IRS1: variants seen among roughly 807,000 people sequenced by gnomAD.
The protein encoded by IRS1 is insulin receptor substrate 1.
In IRS1, 34 loss-of-function variants were observed where a neutral mutation model predicts 65.6. That is an observed-to-expected ratio of 0.52 (90% CI 0.39 to 0.69). The LOEUF (loss-of-function observed/expected upper bound fraction) is 0.69. Among genes scored for constraint, IRS1 ranks in the 30% least tolerant of loss-of-function variants. The pLI is 0.00. For missense variants in IRS1, 1,641 were observed against 1,720.2 expected, an observed-to-expected ratio of 0.95 and a Z score of 0.81; for synonymous variants, 699 against 683.5, an observed-to-expected ratio of 1.02 and a Z score of -0.35.
In IRS1 at chr2:226,798,993, T is replaced by G; in HGVS notation, c.-255A>C. The G allele has an allele frequency of 4.2e-6, 6 of 1,434,400 alleles. No individual in the cohort carries two copies. Among genetic ancestry groups the G allele is most frequent in the Non-Finnish European group, 5.5e-6 (6 of 1,091,470 alleles). The allele number at this position is 1,434,400 out of a possible 1,614,324, so 88.9% of individuals were successfully genotyped here. A position where few individuals can be genotyped will look rare whatever the true frequency, so the allele number is the denominator to read the frequency against. On this transcript the variant is annotated 5_prime_UTR_variant, in exon 1 of 2. Transcript: ENST00000305123. This position sits in a 1 kb window ranked among gnomAD's most constrained non-coding sequence, Gnocchi z 9.4. ...CGGCGGGGAGGCAGTGCGTCCGGGG[T>G]GAGGGCAGCCCCGATCCTCCGAGAG... is the stretch of plus-strand genomic sequence containing the variant.
intron 1 of IRS1, among the ~76,000 whole-genome samples, chr2:226,739,985 C>A (rs939875475): frequency 7.9e-5 from 12 of 152,236 alleles, no homozygotes; most frequent in African/African-American, 2.7e-4. Context: ...TACACCACTT[C>A]AATTGACTGA....
Position 226,798,010 on chromosome 2 carries a change from A to C in IRS1, c.729T>G (p.Ser243=), listed in dbSNP as rs1432352274. ...PGEFWMQVDD[S]VVAQNMHETI... The stretch of plus-strand genomic sequence containing the variant: ...TCTCGTGCATGTTCTGGGCCACCAC[A>C]GAGTCATCCACCTGCATCCAGAACT... Residue 243 remains serine, a synonymous_variant, in exon 1 of 2, where the codon TCT becomes TCG. Coordinates refer to ENST00000305123, the MANE Select transcript of IRS1 (RefSeq NM_005544.3). This position sits in a 1 kb window ranked among gnomAD's most constrained non-coding sequence, Gnocchi z 9.4. 6.2e-7 allele frequency: 1 copy of C among 1,614,074 alleles called. No homozygotes were observed. Among genetic ancestry groups the C allele is most frequent in the Non-Finnish European group, 8.5e-7 (1 of 1,180,006 alleles).
chr2:226,797,967 G>C lies in IRS1; in HGVS notation c.772C>G (p.Arg258Gly). 1.2e-6 allele frequency: 2 copies of C among 1,614,056 alleles called. No homozygotes were observed. The highest frequency in any genetic ancestry group is 1.7e-6 in the Non-Finnish European group (2 of 1,180,016). ...GGGCGGAACTCATCACTCATGGCCC[G>C]CATGGCCTCCAGGATGGTCTCGTGC... ...NMHETILEAM[R>G]AMSDEFRPRS... The change falls in exon 1 of 2, where the codon CGG becomes GGG. Residue 258 changes from arginine (R) to glycine (G), a missense_variant. Around this residue, in one of 3 missense-constraint regions of IRS1, gnomAD observed 77 missense variants for 129.6 expected, o/e 0.59. Coordinates refer to ENST00000305123, the MANE Select transcript of IRS1 (RefSeq NM_005544.3). This position sits in a 1 kb window ranked among gnomAD's most constrained non-coding sequence, Gnocchi z 8.1.
chr2:226,760,849 GA>G (rs368751344), intron 1 of IRS1, among the ~76,000 whole-genome samples: 1 of 152,114 alleles, frequency 6.6e-6, no homozygotes, highest in Non-Finnish European at 1.5e-5. Flanking sequence ...GATATTGCAA[GA>G]AAAAAAGCTT....
rs1421163570 is a variant in IRS1, at chr2:226,797,546, C to T, written c.1193G>A (p.Ser398Asn). ...SPVSLSSSSTSGHGSTSDCLF... is the reference protein window; with the variant it reads ...SPVSLSSSSTNGHGSTSDCLF... ...ACAATCCGAGGTGGAGCCATGGCCA[C>T]TGGTGCTACTGGACGACAGACTGAC... is the stretch of plus-strand genomic sequence containing the variant. Residue 398 changes from serine (S) to asparagine (N), a missense_variant, in exon 1 of 2, where the codon AGT becomes AAT. Transcript: ENST00000305123. This position sits in a 1 kb window ranked among gnomAD's most constrained non-coding sequence, Gnocchi z 8.1. The T allele has an allele frequency of 1.2e-6, 2 of 1,606,488 alleles. No individual in the cohort carries two copies. Among genetic ancestry groups the T allele is most frequent in the Non-Finnish European group, 1.7e-6 (2 of 1,177,574 alleles).
rs750320720 is a variant in IRS1 at position 226,795,528 on chromosome 2, C to T, written c.3211G>A (p.Ala1071Thr). 5.0e-6 allele frequency: 8 copies of T among 1,613,198 alleles called. No homozygotes were observed. Among genetic ancestry groups the T allele is most frequent in the East Asian group, 2.2e-5 (1 of 44,868 alleles). Residue 1071 changes from alanine (A) to threonine (T), a missense_variant, in exon 1 of 2, where the codon GCC becomes ACC. Around this residue, in one of 3 missense-constraint regions of IRS1, gnomAD observed 1,324 missense variants for 1,361.0 expected, o/e 0.97. Coordinates refer to ENST00000305123, the MANE Select transcript of IRS1 (RefSeq NM_005544.3). ...GGPQGPGGMS[A>T]FTRVNLSPNR... ...GGACTGAGGTTCACCCGGGTGAAGG[C>T]GCTCATGCCCCCAGGTCCTTGTGGG... is the stretch of plus-strand genomic sequence containing the variant.
At position 226,799,430 on chromosome 2, in the gene IRS1, G is replaced by A; in HGVS notation, c.-692C>T. ...GCGCGTCCTCTGCAGCCCCCATCCG[G>A]GCCCATCTCGGCGGGTGGAGAAAGT... On this transcript the variant is annotated 5_prime_UTR_variant, in exon 1 of 2. Transcript: ENST00000305123. This position sits in a 1 kb window ranked among gnomAD's most constrained non-coding sequence, Gnocchi z 6.1. 2 of 1,211,068 alleles carry A rather than the reference G, an allele frequency of 1.7e-6. No individual in the cohort carries two copies. The highest frequency in any genetic ancestry group is 2.1e-6 in the Non-Finnish European group (2 of 948,134). The allele number at this position is 1,211,068 out of a possible 1,614,324, so 75.0% of individuals were successfully genotyped here.
intron 1 of IRS1, among the ~76,000 whole-genome samples, chr2:226,741,923 C>T (rs972928003): frequency 6.6e-6 from 1 of 151,886 alleles, no homozygotes; most frequent in Non-Finnish European, 1.5e-5. Flanking sequence ...TCCATAAAAT[C>T]CCACTATAAA....
At chr2:226,753,627 CAAGA>C (rs1938732288) in intron 1 of IRS1, among the ~76,000 whole-genome samples, 1 of 151,832 alleles carries the variant, frequency 6.6e-6, no homozygotes, top group Non-Finnish European at 1.5e-5. Flanking sequence ...CTGTGTATAC[CAAGA>C]AAGGATCTAT....
Position 226,795,919 on chromosome 2 carries a change from C to T in IRS1, c.2820G>A (p.Glu940=). ...APREEETGTE[E]YMKMDLGPGR... ...CCGGCCCCAGGTCCATCTTCATGTA[C>T]TCCTCAGTGCCAGTCTCTTCCTCTC... Residue 940 remains glutamate (E), a synonymous_variant, in exon 1 of 2, where the codon GAG becomes GAA. Transcript: ENST00000305123. The T allele has an allele frequency of 6.2e-7, 1 of 1,614,058 alleles. No homozygotes were observed. Among genetic ancestry groups the T allele is most frequent in the Non-Finnish European group, 8.5e-7 (1 of 1,180,052 alleles).
At chr2:226,791,493 G>T (rs1044876754) in intron 1 of IRS1, among the ~76,000 whole-genome samples, 2 of 152,172 alleles carry the variant, frequency 1.3e-5, no homozygotes, top group Non-Finnish European at 2.9e-5. Context: ...TCATTCTTAG[G>T]ATTCTGATCC....
chr2:226,744,420 T>C (rs925439781), intron 1 of IRS1, among the ~76,000 whole-genome samples: 3 of 152,110 alleles, frequency 2.0e-5, no homozygotes, highest in Non-Finnish European at 2.9e-5. Flanking sequence ...CCACTCCCAA[T>C]AGTTTCTAAT....
In IRS1 at chr2:226,798,705, C is replaced by A. The variant is rs1325691401; in HGVS notation, c.34G>T (p.Asp12Tyr). 7 of 1,612,680 alleles carry A rather than the reference C, an allele frequency of 4.3e-6. No individual in the cohort carries two copies. Among genetic ancestry groups the A allele is most frequent in the Non-Finnish European group, 5.9e-6 (7 of 1,179,864 alleles). Residue 12 changes from aspartate (D) to tyrosine (Y), a missense_variant, in exon 1 of 2, where the codon GAC (aspartate) becomes TAC (tyrosine). Physicochemically the swap from Asp to Tyr is radical, Grantham distance 160 (BLOSUM62 -3). Coordinates refer to ENST00000305123, the MANE Select transcript of IRS1 (RefSeq NM_005544.3). This position sits in a 1 kb window ranked among gnomAD's most constrained non-coding sequence, Gnocchi z 9.4. Reference sequence around the variant, plus strand: ...CGCAGGTAGCCCACCTTGCGCACGTCCGAGAAGCCATCGCTCTCCGGAGGG... The same window carrying A: ...CGCAGGTAGCCCACCTTGCGCACGTACGAGAAGCCATCGCTCTCCGGAGGG... Reference protein sequence around the residue: ...ASPPESDGFSDVRKVGYLRKP... With the variant: ...ASPPESDGFSYVRKVGYLRKP...
chr2:226,796,569 TACC>T lies in IRS1; in HGVS notation c.2167_2169del (p.Gly723del), dbSNP rs1259467443. 2.1e-5 allele frequency: 34 copies of T among 1,613,772 alleles called. No homozygotes were observed. Among genetic ancestry groups the T allele is most frequent in the Non-Finnish European group, 2.9e-5 (34 of 1,179,940 alleles). ...TAGTCACCTGTGCAAGGTAAGAGCT[TACC>T]ACCGCTGCTCTCCACTGGGGGTTTG... On this transcript the variant is annotated inframe_deletion, in exon 1 of 2. Transcript: ENST00000305123.
chr2:226,793,862 A>T (rs1574663052), intron 1 of IRS1, among the ~76,000 whole-genome samples: 1 of 152,358 alleles, frequency 6.6e-6, no homozygotes, highest in East Asian at 1.9e-4. Flanking sequence ...AACAGGATCA[A>T]CAGAACGAAG....
chr2:226,763,341 A>G (rs1431910799), intron 1 of IRS1, among the ~76,000 whole-genome samples: 1 of 152,148 alleles, frequency 6.6e-6, no homozygotes, highest in East Asian at 1.9e-4. Flanking sequence ...GAATTACACA[A>G]GATTCTCACA....
At chr2:226,773,204 C>T (rs1298646427) in intron 1 of IRS1, among the ~76,000 whole-genome samples, 3 of 152,104 alleles carry the variant, frequency 2.0e-5, no homozygotes, top group East Asian at 1.9e-4. Flanking sequence ...TATAAAGGAA[C>T]ATAAGGTTTG....
Position 226,795,780 on chromosome 2 carries a change from C to T in IRS1, c.2959G>A (p.Gly987Ser). 6.2e-7 allele frequency: 1 copy of T among 1,613,306 alleles called. No individual in the cohort carries two copies. The highest frequency in any genetic ancestry group is 8.5e-7 in the Non-Finnish European group (1 of 1,179,968). ...RPTRAVPSSRGDYMTMQMSCP... is the reference protein window; with the variant it reads ...RPTRAVPSSRSDYMTMQMSCP... Reference sequence around the variant, plus strand: ...CTCATCTGCATGGTCATGTAGTCACCCCGGCTGCTGGGCACTGCCCGGGTA... The same window carrying T: ...CTCATCTGCATGGTCATGTAGTCACTCCGGCTGCTGGGCACTGCCCGGGTA... The change falls in exon 1 of 2, where the codon GGT (glycine) becomes AGT (serine). Residue 987 changes from glycine (G) to serine (S), a missense_variant. Gly to Ser is a moderately conservative substitution (Grantham distance 56). Coordinates refer to ENST00000305123, the MANE Select transcript of IRS1 (RefSeq NM_005544.3).
rs373262366 is a variant in IRS1, at chr2:226,788,417, T to C, written c.*21+6572A>G. ...AAAAAGCCTTTTCAACATAAATACA[T>C]CTTTTTCAAAGCTCTATTATTCAAA... is the stretch of plus-strand genomic sequence containing the variant. On this transcript the variant is annotated intron_variant, in intron 1 of 1. Transcript: ENST00000305123. Among the ~76,000 whole-genome samples the C allele has an allele frequency of 3.3e-5, 5 of 152,282 alleles. No individual in the cohort carries two copies. The East Asian group carries it at 9.6e-4, about 29-fold the overall frequency.
Sources: gnomAD v4.1 joint callset for allele counts (sites outside exome capture counted in the v4.1 genomes callset) on GRCh38, gnomAD v4.1.1 for gene constraint, gnomAD v4.1.1 regional missense constraint, Gnocchi (gnomAD v3.1) non-coding constraint, MANE v1.5 for transcripts, NCBI Gene and HGNC (gene_info 2026-07-23, HGNC 2026-07-21) for gene names.